Variants in CCDC91 observed in about 807,000 individuals in gnomAD.
CCDC91 encodes coiled-coil domain-containing protein 91.
A neutral mutation model predicts 63.2 loss-of-function variants in CCDC91; 48 were observed. The ratio of observed to expected loss-of-function variants is 0.76; its 90% CI spans 0.60 to 0.97. The LOEUF is 0.97. Among genes scored for constraint, CCDC91 ranks in the 50% least tolerant of loss-of-function variants. CCDC91 has a pLI of 0.00. For synonymous variants in CCDC91, 167 were observed against 165.8 expected, an observed-to-expected ratio of 1.01 and a Z score of -0.06; for missense variants, 500 against 494.6, an observed-to-expected ratio of 1.01 and a Z score of -0.10.
In CCDC91 at chr12:28,411,137, T is replaced by A. The variant is rs1014574904; in HGVS notation, c.762+19726T>A. ...TTATGATGGTAAATTTCTTAATTAG[T>A]TCCACTGTGGTTACTTTTACACTGA... On this transcript the variant is annotated intron_variant, in intron 8 of 12. Transcript: ENST00000536442. Among the ~76,000 whole-genome samples, 9 of 152,190 alleles carry A rather than the reference T, an allele frequency of 5.9e-5. 1 individual carries two copies. Among genetic ancestry groups the A allele is most frequent in the African/African-American group, 2.2e-4 (9 of 41,452 alleles).
At chr12:28,298,459 T>G (rs1937656867) in intron 3 of CCDC91, among the ~76,000 whole-genome samples, 1 of 151,208 alleles carries the variant, frequency 6.6e-6, no homozygotes. Flanking sequence ...CAGAGCATGC[T>G]TTGATTGGGG....
chr12:28,475,667 C>T (rs1437816178), intron 11 of CCDC91, among the ~76,000 whole-genome samples: 1 of 151,990 alleles, frequency 6.6e-6, no homozygotes, highest in Non-Finnish European at 1.5e-5. Flanking sequence ...CTTGCCCTCT[C>T]TCCCCCTCTT....
intron 3 of CCDC91, among the ~76,000 whole-genome samples, chr12:28,276,169 A>C (rs1948208604): frequency 6.6e-6 from 1 of 151,958 alleles, no homozygotes; most frequent in South Asian, 2.1e-4. Context: ...TTTTAAAGAC[A>C]TTTGGCATCT....
chr12:28,370,519 A>C (rs1259691759), intron 7 of CCDC91, among the ~76,000 whole-genome samples: 2 of 152,168 alleles, frequency 1.3e-5, no homozygotes, highest in East Asian at 1.9e-4. Flanking sequence ...GGAAGTTACA[A>C]ACTTTCCCAC....
chr12:28,220,004 G>C (rs988308542), intron 1 of CCDC91, among the ~76,000 whole-genome samples: 1 of 151,968 alleles, frequency 6.6e-6, no homozygotes, highest in African/African-American at 2.4e-5. Context: ...TAGTAAAAGT[G>C]GTTTTTTTGT....
chr12:28,226,695 A>G (rs570681828), intron 1 of CCDC91, among the ~76,000 whole-genome samples: 3 of 152,284 alleles, frequency 2.0e-5, no homozygotes, highest in African/African-American at 4.8e-5. Context: ...ATTATTAACT[A>G]AAGTCCATTC....
chr12:28,498,312 A>G (rs1952420952), intron 12 of CCDC91, among the ~76,000 whole-genome samples: 1 of 151,618 alleles, frequency 6.6e-6, no homozygotes. Context: ...AATTTCCAGT[A>G]CTCAAAAGGA....
chr12:28,312,693 A>G (rs1939447045), intron 6 of CCDC91, among the ~76,000 whole-genome samples: 1 of 152,080 alleles, frequency 6.6e-6, no homozygotes, highest in Non-Finnish European at 1.5e-5. Flanking sequence ...TGTAGTTTTC[A>G]TAATTCCCAC....
intron 1 of CCDC91, among the ~76,000 whole-genome samples, chr12:28,224,510 T>C (rs1944151453): frequency 6.6e-6 from 1 of 152,138 alleles, no homozygotes; most frequent in Non-Finnish European, 1.5e-5. Flanking sequence ...ATTCCAGCTT[T>C]TTCATTGTGC....
At chr12:28,273,291 A>T (rs942022223) in intron 3 of CCDC91, among the ~76,000 whole-genome samples, 8 of 152,136 alleles carry the variant, frequency 5.3e-5, no homozygotes, top group African/African-American at 1.7e-4. Flanking sequence ...ATAGTGCCGC[A>T]GTAAACATAC....
At chr12:28,409,332 TTAAGTA>T (rs1282088265) in intron 8 of CCDC91, among the ~76,000 whole-genome samples, 1 of 152,164 alleles carries the variant, frequency 6.6e-6, no homozygotes, top group South Asian at 2.1e-4. Context: ...TATCTTTGTG[TTAAGTA>T]TAAGTGTGTG....
intron 3 of CCDC91, among the ~76,000 whole-genome samples, chr12:28,264,587 G>GTATGTGTGTGTGTA (rs1364689149): frequency 1.4e-5 from 2 of 143,542 alleles, no homozygotes; most frequent in Non-Finnish European, 3.1e-5. Context: ...ATGTCTGTCT[G>GTATGTGTGTGTGTA]TGTGTGTGTG....
rs1045319850 is a variant in CCDC91 at position 28,366,049 on chromosome 12, G to C, written c.654+3534G>C. Among the ~76,000 whole-genome samples the C allele has an allele frequency of 1.6e-4, 25 of 151,904 alleles. 1 individual carries two copies. The highest frequency in any genetic ancestry group is 3.2e-4 in the Non-Finnish European group (22 of 67,998). ...GTAAAGTAAAACAAAAATGGCAAAA[G>C]CCTAAAATGTAATGCATAGGAAGAT... On this transcript the variant is annotated intron_variant, in intron 7 of 12. Coordinates refer to ENST00000536442, the MANE Select transcript of CCDC91 (RefSeq NM_018318.5).
Position 28,469,233 on chromosome 12 carries a change from A to T in CCDC91, c.1102-14819A>T, listed in dbSNP as rs186984356. ...ACTATTAGAACCGATTTCAAAATTC[A>T]ATAAAGTTGCAGCATACAAAATCAA... On this transcript the variant is annotated intron_variant, in intron 11 of 12. Transcript: ENST00000536442. Among the ~76,000 whole-genome samples the T allele has an allele frequency of 9.2e-5, 14 of 152,256 alleles. No individual in the cohort carries two copies. The East Asian group carries it at 2.5e-3, about 27-fold the overall frequency.
At chr12:28,454,957 G>A (rs1366698438) in intron 11 of CCDC91, among the ~76,000 whole-genome samples, 2 of 152,064 alleles carry the variant, frequency 1.3e-5, no homozygotes, top group Non-Finnish European at 2.9e-5. Flanking sequence ...TGTTTCCATG[G>A]AAGGACAGAG....
chr12:28,312,462 T>C (rs1462837909), intron 6 of CCDC91, among the ~76,000 whole-genome samples: 3 of 152,076 alleles, frequency 2.0e-5, no homozygotes, highest in African/African-American at 7.2e-5. Context: ...GTATTTGACC[T>C]TTCTGCAATC....
chr12:28,549,107 G>A lies in CCDC91; in HGVS notation c.1260G>A (p.Leu420=). ...AAAGAAGCCTGTCCAGTTTGGAACT[G>A]TTCCTCTCCTGTGCACAGAAACAGT... ...IRQRSLSSLE[L]FLSCAQKQLS... The change falls in exon 13 of 13, where the codon CTG becomes CTA. Residue 420 remains leucine (L), a synonymous_variant. Coordinates refer to ENST00000536442, the MANE Select transcript of CCDC91 (RefSeq NM_018318.5). 1.2e-6 allele frequency: 2 copies of A among 1,612,808 alleles called. No individual in the cohort carries two copies. The highest frequency in any genetic ancestry group is 1.7e-6 in the Non-Finnish European group (2 of 1,179,224).
At chr12:28,523,289 T>C (rs1251580187) in intron 12 of CCDC91, among the ~76,000 whole-genome samples, 1 of 152,202 alleles carries the variant, frequency 6.6e-6, no homozygotes, top group African/African-American at 2.4e-5. Flanking sequence ...TTAGGATAGT[T>C]AGTTCTTCTT....
At chr12:28,241,736 C>G (rs996486652) in intron 1 of CCDC91, among the ~76,000 whole-genome samples, 2 of 152,064 alleles carry the variant, frequency 1.3e-5, no homozygotes, top group African/African-American at 2.4e-5. Flanking sequence ...GTGGCTCACA[C>G]CTGTAATCCC....
Sources: gnomAD v4.1 joint callset for allele counts (sites outside exome capture counted in the v4.1 genomes callset) on GRCh38, gnomAD v4.1.1 for gene constraint, MANE v1.5 for transcripts, NCBI Gene and HGNC (gene_info 2026-07-23, HGNC 2026-07-21) for gene names.